CCN4: variants seen among roughly 807,000 people sequenced by gnomAD.
CCN4 encodes cellular communication network factor 4.
In CCN4, 30 loss-of-function variants were observed where a neutral mutation model predicts 36.7. That is an observed-to-expected ratio of 0.82 (90% CI 0.61 to 1.11). The LOEUF is 1.11. Ranked by LOEUF, CCN4 falls within the 50% of genes least tolerant of loss-of-function variation. The pLI is 0.00. For missense variants in CCN4, 505 were observed against 504.9 expected, an observed-to-expected ratio of 1.00 and a Z score of 0.00; for synonymous variants, 191 against 195.4, an observed-to-expected ratio of 0.98 and a Z score of 0.19.
chr8:133,205,292 C>T (rs1041121056), intron 1 of CCN4, among the ~76,000 whole-genome samples: 1 of 152,220 alleles, frequency 6.6e-6, no homozygotes, highest in Non-Finnish European at 1.5e-5. Flanking sequence ...ATGAAAGAGA[C>T]TTTTATGTGA....
In CCN4 at chr8:133,222,516, A is replaced by T. The variant is rs569847217; in HGVS notation, c.610+1675A>T. On this transcript the variant is annotated intron_variant, in intron 3 of 4. Coordinates refer to ENST00000250160, the MANE Select transcript of CCN4 (RefSeq NM_003882.4). The stretch of plus-strand genomic sequence containing the variant: ...GAGAGCTCTGAAGTCATCTGCTTGG[A>T]GCTGCTGGTGGTGATGGCTGGGATG... Among the ~76,000 whole-genome samples the T allele has an allele frequency of 1.4e-4, 21 of 151,606 alleles. No homozygotes were observed. The East Asian group carries it at 4.2e-3, about 30-fold the overall frequency.
intron 1 of CCN4, among the ~76,000 whole-genome samples, chr8:133,203,952 C>T (rs1259901651): frequency 6.6e-6 from 1 of 152,210 alleles, no homozygotes; most frequent in Non-Finnish European, 1.5e-5. Flanking sequence ...AGCTGAAATA[C>T]ACCATAATAA....
chr8:133,226,124 C>T (rs969708596), intron 4 of CCN4, among the ~76,000 whole-genome samples: 1 of 152,186 alleles, frequency 6.6e-6, no homozygotes, highest in Non-Finnish European at 1.5e-5. Flanking sequence ...AATAAAGCAT[C>T]AAAGAAAATT....
chr8:133,218,920 C>T (rs900924897), intron 2 of CCN4, among the ~76,000 whole-genome samples: 1 of 152,188 alleles, frequency 6.6e-6, no homozygotes, highest in Non-Finnish European at 1.5e-5. Flanking sequence ...GACAGAGCAT[C>T]TTCCTCCTTC....
chr8:133,214,448 T>C (rs1854240042), intron 2 of CCN4, among the ~76,000 whole-genome samples: 1 of 152,068 alleles, frequency 6.6e-6, no homozygotes, highest in Non-Finnish European at 1.5e-5. Context: ...CTGGACTTTC[T>C]AATGGCCTTT....
chr8:133,207,643 G>A (rs1293273655), intron 1 of CCN4, among the ~76,000 whole-genome samples: 1 of 152,178 alleles, frequency 6.6e-6, no homozygotes, highest in Non-Finnish European at 1.5e-5. Flanking sequence ...GGGAACATTA[G>A]CAGACCTGCC....
intron 3 of CCN4, among the ~76,000 whole-genome samples, chr8:133,224,796 T>C (rs1311779305): frequency 6.6e-6 from 1 of 152,012 alleles, no homozygotes; most frequent in Non-Finnish European, 1.5e-5. Context: ...TAGCCGGGCA[T>C]GGTGGCCCAT....
At chr8:133,222,111 C>A (rs543487211) in intron 3 of CCN4, among the ~76,000 whole-genome samples, 1 of 146,868 alleles carries the variant, frequency 6.8e-6, no homozygotes, top group South Asian at 2.2e-4. Flanking sequence ...ATGGATGGAT[C>A]AATTAATGGA....
chr8:133,208,630 TGTTGCCAGCTCA>T (rs927858527), intron 1 of CCN4, among the ~76,000 whole-genome samples: 4 of 152,170 alleles, frequency 2.6e-5, no homozygotes, highest in Admixed American at 2.6e-4. Context: ...CCCTGGCACA[TGTTGCCAGCTCA>T]GTGCCTGTGC....
At chr8:133,219,588 C>T (rs536732943) in intron 2 of CCN4, among the ~76,000 whole-genome samples, 1 of 152,342 alleles carries the variant, frequency 6.6e-6, no homozygotes, top group African/African-American at 2.4e-5. Flanking sequence ...TTCTAGAATA[C>T]CAACTTTGAA....
intron 2 of CCN4, 38 bp from the exon 3 acceptor site, chr8:133,220,543 C>T (rs1217379905): frequency 2.5e-6 from 4 of 1,596,572 alleles, no homozygotes. Flanking sequence ...CCAGGGGCAC[C>T]AAGGCCACTG....
chr8:133,220,967 GA>G (rs1854506064), intron 3 of CCN4, 126 bp downstream of exon 3: 1 of 1,301,566 alleles, frequency 7.7e-7, no homozygotes, highest in African/African-American at 1.5e-5. Flanking sequence ...GTGACCTTGA[GA>G]AAGTCATACC....
Position 133,191,040 on chromosome 8 carries a change from T to G in CCN4, c.-105T>G, listed in dbSNP as rs1853085350. Reference sequence around the variant, plus strand: ...CCCCCCAAGGGCTGCGGAAGAGGCATATCTGGTGCTCCTGATGGGCCGGCC... The same window carrying G: ...CCCCCCAAGGGCTGCGGAAGAGGCAGATCTGGTGCTCCTGATGGGCCGGCC... On this transcript the variant is annotated 5_prime_UTR_variant, in exon 1 of 5. Transcript: ENST00000250160. 2 of 1,170,830 alleles carry G rather than the reference T, an allele frequency of 1.7e-6. No individual in the cohort carries two copies. The highest frequency in any genetic ancestry group is 3.0e-5 in the African/African-American group (2 of 65,970). 72.5% of individuals were successfully genotyped at this position (1,170,830 alleles called of 1,614,324 possible).
chr8:133,195,972 A>T (rs537913382), intron 1 of CCN4, among the ~76,000 whole-genome samples: 2 of 152,338 alleles, frequency 1.3e-5, no homozygotes, highest in Non-Finnish European at 1.5e-5. Flanking sequence ...GCCATGGTCC[A>T]GGTGGGTTCC....
chr8:133,197,326 A>G (rs1245666649), intron 1 of CCN4, among the ~76,000 whole-genome samples: 1 of 152,114 alleles, frequency 6.6e-6, no homozygotes, highest in Non-Finnish European at 1.5e-5. Flanking sequence ...GGTTTATATT[A>G]GCAGAGAGGG....
intron 1 of CCN4, 131 bp downstream of exon 1, chr8:133,191,344 G>A: frequency 9.1e-7 from 1 of 1,099,768 alleles, no homozygotes; most frequent in South Asian, 1.6e-5. Flanking sequence ...CACTTACAGG[G>A]CAAGGACAGA....
chr8:133,222,160 G>A (rs1180957921), intron 3 of CCN4, among the ~76,000 whole-genome samples: 4 of 152,188 alleles, frequency 2.6e-5, no homozygotes, highest in African/African-American at 9.7e-5. Context: ...GAATGGGTGG[G>A]TAGGTGGATA....
At chr8:133,196,157 T>G in intron 1 of CCN4, among the ~76,000 whole-genome samples, 1 of 152,242 alleles carries the variant, frequency 6.6e-6, no homozygotes, top group East Asian at 1.9e-4. Flanking sequence ...ACTGAGCATG[T>G]GCCCACTCTA....
chr8:133,224,465 C>T (rs979288615), intron 3 of CCN4, among the ~76,000 whole-genome samples: 1 of 151,636 alleles, frequency 6.6e-6, no homozygotes, highest in Non-Finnish European at 1.5e-5. Flanking sequence ...GTCTCAAACT[C>T]CTGACCTCAA....
Sources: allele counts gnomAD v4.1 joint callset (sites outside exome capture counted in the v4.1 genomes callset), GRCh38; gene constraint gnomAD v4.1.1; transcripts MANE v1.5; gene names NCBI Gene and HGNC (gene_info 2026-07-23, HGNC 2026-07-21).